PBRM1: variants seen among roughly 807,000 people sequenced by gnomAD.
The protein encoded by PBRM1 is protein polybromo-1.
PBRM1 carries 27 observed loss-of-function variants against 194.5 expected under a neutral mutation model. The ratio of observed to expected loss-of-function variants is 0.14; its 90% CI spans 0.10 to 0.19. The LOEUF (loss-of-function observed/expected upper bound fraction) is 0.19, where lower values mean the gene tolerates loss of function less well. Ranked by LOEUF, PBRM1 falls within the 10% of genes least tolerant of loss-of-function variation. The pLI is 1.00. For missense variants in PBRM1, 1,466 were observed against 2,077.2 expected, an observed-to-expected ratio of 0.71 and a Z score of 5.72; for synonymous variants, 655 against 693.2, an observed-to-expected ratio of 0.94 and a Z score of 0.87.
In PBRM1 at chr3:52,641,446, C is replaced by CAAA. The variant is rs386396638; in HGVS notation, c.1087+505_1087+507dup. Among the ~76,000 whole-genome samples the CAAA allele has an allele frequency of 6.6e-4, 46 of 69,878 alleles. 1 individual carries two copies. Among genetic ancestry groups the CAAA allele is most frequent in the Non-Finnish European group, 1.1e-3 (40 of 37,930 alleles). The allele number at this position is 69,878 out of a possible 152,430, so 45.8% of individuals were successfully genotyped here. A position where few individuals can be genotyped will look rare whatever the true frequency, so the allele number is the denominator to read the frequency against. On this transcript the variant is annotated intron_variant, in intron 10 of 29. Coordinates refer to ENST00000296302, the Ensembl canonical transcript of PBRM1. ...TGGGCAACAGAGCGAGACTCCATCT[C>CAAA]AAAAAAAAAAAAAAAAAGAAAAAAA...
At position 52,580,270 on chromosome 3, in the gene PBRM1, C is replaced by G. The variant is rs77409491; in HGVS notation, c.3388-1071G>C. The stretch of plus-strand genomic sequence containing the variant: ...AAAGAAAACAAACCACAAAAAACAA[C>G]TGATAGATCTAAAATTTTTACTATT... On this transcript the variant is annotated intron_variant, in intron 20 of 29. Coordinates refer to ENST00000296302, the Ensembl canonical transcript of PBRM1. 2.8e-3 allele frequency among the ~76,000 whole-genome samples: 424 copies of G among 152,230 alleles called. 5 individuals are homozygous for G. The East Asian group carries it at 0.059, about 21-fold the overall frequency.
At chr3:52,661,044 G>A (rs1000644064) in intron 4 of PBRM1, among the ~76,000 whole-genome samples, 4 of 147,318 alleles carry the variant, frequency 2.7e-5, no homozygotes, top group East Asian at 4.0e-4. Context: ...ATTTTTTTTT[G>A]AGATGGAGTC....
chr3:52,629,649 GA>G (rs1353771729), intron 11 of PBRM1, among the ~76,000 whole-genome samples: 5 of 152,148 alleles, frequency 3.3e-5, no homozygotes, highest in Non-Finnish European at 5.9e-5. Context: ...AAAGTCTTAA[GA>G]TTCCAAGTAT....
chr3:52,617,605 C>T, intron 13 of PBRM1, 67 bp from the exon 16 acceptor site: 1 of 1,165,216 alleles, frequency 8.6e-7, no homozygotes, highest in African/African-American at 1.5e-5. Flanking sequence ...ATACGGATGA[C>T]CACAAAATAA....
chr3:52,664,659 A>C (rs1383564140), intron 3 of PBRM1, among the ~76,000 whole-genome samples: 1 of 151,230 alleles, frequency 6.6e-6, no homozygotes, highest in Non-Finnish European at 1.5e-5. Flanking sequence ...GCTTCAACCC[A>C]GGAGGCAGAG....
At chr3:52,597,328 G>T (rs7647992) in intron 17 of PBRM1, among the ~76,000 whole-genome samples, 11,054 of 152,016 alleles carry the variant, frequency 0.073, 953 homozygotes, top group African/African-American at 0.21. Context: ...GTGTTCCTGT[G>T]GGGAGGACAA....
At chr3:52,589,985 C>T (rs955257799) in intron 17 of PBRM1, among the ~76,000 whole-genome samples, 3 of 151,864 alleles carry the variant, frequency 2.0e-5, no homozygotes, top group African/African-American at 7.3e-5. Flanking sequence ...TGCACCACCA[C>T]GCCTGGCTAA....
chr3:52,575,218 A>AAAAC (rs1359901710), intron 22 of PBRM1, among the ~76,000 whole-genome samples: 1 of 134,840 alleles, frequency 7.4e-6, no homozygotes, highest in Non-Finnish European at 1.6e-5. Flanking sequence ...TACAATCTTT[A>AAAAC]AAACAAACCA....
Position 52,609,720 on chromosome 3 carries a change from A to T in PBRM1, c.2160T>A (p.Asp720Glu), listed in dbSNP as rs2094516871. Reference sequence around the variant, plus strand: ...CAAAGTCCTCAACCATAGAGTCAATATCTTGGTACTTGTTGGCCATCATGT... The same window carrying T: ...CAAAGTCCTCAACCATAGAGTCAATTTCTTGGTACTTGTTGGCCATCATGT... Residue 720 changes from aspartate to glutamate, a missense_variant, in exon 16 of 30, where the codon GAT becomes GAA. By Grantham distance (45) the Asp-to-Glu change is conservative. Coordinates refer to ENST00000296302, the Ensembl canonical transcript of PBRM1. The surrounding 1 kb of genome is among the most constrained non-coding windows in gnomAD (Gnocchi z 4.1). The T allele has an allele frequency of 6.2e-7, 1 of 1,611,034 alleles. No individual in the cohort carries two copies. The highest frequency in any genetic ancestry group is 1.1e-5 in the South Asian group (1 of 90,560).
At chr3:52,548,194 G>A (rs200020801) in exon 30 of PBRM1, 67 of 1,606,252 alleles carry the variant, frequency 4.2e-5, no homozygotes, top group Middle Eastern at 3.3e-4. Context: ...GAGGGTAGGC[G>A]GCTCTCCTGT....
At chr3:52,570,651 A>C (rs947097058) in intron 22 of PBRM1, among the ~76,000 whole-genome samples, 1 of 152,222 alleles carries the variant, frequency 6.6e-6, no homozygotes, top group African/African-American at 2.4e-5. Context: ...AGAAAACTTC[A>C]TTTAATAAAG....
intron 22 of PBRM1, among the ~76,000 whole-genome samples, chr3:52,575,042 T>A (rs1559991255): frequency 6.6e-6 from 1 of 152,012 alleles, no homozygotes; most frequent in Non-Finnish European, 1.5e-5. Context: ...GCTGGGACCA[T>A]GGATATAGAC....
chr3:52,601,730 G>A (rs1441213107), intron 17 of PBRM1, among the ~76,000 whole-genome samples: 5 of 152,106 alleles, frequency 3.3e-5, no homozygotes, highest in Admixed American at 3.3e-4. Flanking sequence ...CCAATTCCTG[G>A]GACTCCAGCT....
intron 2 of PBRM1, among the ~76,000 whole-genome samples, chr3:52,670,385 C>T (rs2096922120): frequency 6.6e-6 from 1 of 152,158 alleles, no homozygotes; most frequent in South Asian, 2.1e-4. Context: ...TAAGAATCAT[C>T]CTTATAATCC....
chr3:52,683,157 G>A (rs1011723594), upstream of PBRM1, among the ~76,000 whole-genome samples: 1 of 151,284 alleles, frequency 6.6e-6, no homozygotes, highest in Non-Finnish European at 1.5e-5. Context: ...GAGCCGAGAT[G>A]GCACCACTGC....
At chr3:52,616,501 G>A (rs1046791407) in intron 14 of PBRM1, among the ~76,000 whole-genome samples, 2 of 152,170 alleles carry the variant, frequency 1.3e-5, no homozygotes, top group African/African-American at 4.8e-5. Context: ...AGACCATCCT[G>A]GCTAACATGG....
At chr3:52,553,663 CTTTTTT>C (rs71084188) in intron 27 of PBRM1, among the ~76,000 whole-genome samples, 7 of 119,424 alleles carry the variant, frequency 5.9e-5, no homozygotes, top group African/African-American at 1.3e-4. Context: ...CTAATTTTTC[CTTTTTT>C]TTTTTTTTTT....
chr3:52,547,748 A>G, downstream of PBRM1: 1 of 251,726 alleles, frequency 4.0e-6, no homozygotes, highest in African/African-American at 2.2e-5. Context: ...AAAAACCTCT[A>G]ATGGTTTCAG....
rs1180308675 is a variant in PBRM1, at chr3:52,656,384, C to T, written c.645+1815G>A. ...CACTCTTAAAAATGCAAGGTTTAGG[C>T]CGGGTGTAGTAGCTCATGTCTGTAA... On this transcript the variant is annotated intron_variant, in intron 5 of 29. Coordinates refer to ENST00000296302, the Ensembl canonical transcript of PBRM1. Among the ~76,000 whole-genome samples, 8 of 152,168 alleles carry T rather than the reference C, an allele frequency of 5.3e-5. No individual in the cohort carries two copies. In the East Asian group the frequency reaches 1.3e-3, roughly 26 times the overall value.
Sources: allele counts gnomAD v4.1 joint callset (sites outside exome capture counted in the v4.1 genomes callset), GRCh38; gene constraint gnomAD v4.1.1; non-coding constraint Gnocchi (gnomAD v3.1); transcripts MANE v1.5; gene names NCBI Gene and HGNC (gene_info 2026-07-23, HGNC 2026-07-21).